Variants in LEMD1 observed in about 807,000 individuals in gnomAD.
LEMD1 encodes the protein LEM domain-containing protein 1.
LEMD1 carries 18 observed loss-of-function variants against 17.4 expected under a neutral mutation model. The observed-to-expected ratio is 1.04, with a 90% confidence interval of 0.72 to 1.54. The LOEUF is 1.54. Ranked by LOEUF, LEMD1 falls within the 40% of genes most tolerant of loss-of-function variation. The pLI is 0.00. For synonymous variants in LEMD1, 88 were observed against 77.8 expected (o/e 1.13, Z -0.69); for missense variants, 195 against 210.4 (o/e 0.93, Z 0.45).
chr1:205,411,586 AAAGGAAGG>A (rs1318697733), intron 4 of LEMD1, among the ~76,000 whole-genome samples: 1 of 148,566 alleles, frequency 6.7e-6, no homozygotes, highest in African/African-American at 2.5e-5. Context: ...AGGAGAGAGG[AAAGGAAGG>A]AAGGAAGGTA....
chr1:205,404,284 C>T (rs1301808776), intron 4 of LEMD1, among the ~76,000 whole-genome samples: 1 of 151,916 alleles, frequency 6.6e-6, no homozygotes, highest in African/African-American at 2.4e-5. Context: ...GTTGATCTGT[C>T]TAATGTTGAC....
intron 1 of LEMD1, among the ~76,000 whole-genome samples, chr1:205,447,603 C>T (rs780555076): frequency 7.3e-5 from 11 of 151,628 alleles, no homozygotes; most frequent in South Asian, 2.1e-4. Flanking sequence ...GTGGGAGTGG[C>T]GACAGGCATA....
At chr1:205,411,585 G>A in intron 4 of LEMD1, among the ~76,000 whole-genome samples, 1 of 144,284 alleles carries the variant, frequency 6.9e-6, no homozygotes, top group Non-Finnish European at 1.5e-5. Flanking sequence ...AAGGAGAGAG[G>A]AAAGGAAGGA....
intron 1 of LEMD1, among the ~76,000 whole-genome samples, chr1:205,442,194 G>A (rs1474876831): frequency 6.6e-6 from 1 of 152,158 alleles, no homozygotes; most frequent in Non-Finnish European, 1.5e-5. Context: ...CTCTCTCCAG[G>A]AAGAACATGG....
intron 4 of LEMD1, among the ~76,000 whole-genome samples, chr1:205,413,607 TTTTTTTG>T (rs1416395640): frequency 6.7e-6 from 1 of 148,940 alleles, no homozygotes; most frequent in Non-Finnish European, 1.5e-5. Flanking sequence ...TTTTTTTTTT[TTTTTTTG>T]GAGATATGAG....
At chr1:205,391,532 A>T (rs1664332999) in intron 4 of LEMD1, among the ~76,000 whole-genome samples, 2 of 152,216 alleles carry the variant, frequency 1.3e-5, no homozygotes, top group Non-Finnish European at 2.9e-5. Context: ...TGGCAGCCAA[A>T]CAGCCCATCT....
In LEMD1 at chr1:205,416,277, T is replaced by C. The variant is rs907338360; in HGVS notation, c.225A>G (p.Gln75=). ...TTTCTGTTGAGAGTATGATATTTCCTTGCAAAATGATATTAAGCTCTGGAT... is the reference window on the plus strand; with the variant it reads ...TTTCTGTTGAGAGTATGATATTTCCCTGCAAAATGATATTAAGCTCTGGAT... ...DDSEELNIIL[Q]GNIILSTEKS... is the part of the protein sequence containing the mutation. The change falls in exon 4 of 6, where the codon CAA becomes CAG. Residue 75 remains glutamine (Q), a synonymous_variant. Coordinates refer to ENST00000367153, the MANE Select transcript of LEMD1 (RefSeq NM_001199050.2). The C allele has an allele frequency of 3.2e-6, 5 of 1,548,554 alleles. No individual in the cohort carries two copies. In the African/African-American group the frequency reaches 6.9e-5, roughly 21 times the overall value.
upstream of LEMD1, among the ~76,000 whole-genome samples, chr1:205,422,635 CTTG>C (rs3058657): frequency 0.57 from 86,604 of 151,780 alleles, 27,836 homozygotes; most frequent in East Asian, 0.88. Context: ...AAGCCTACTT[CTTG>C]TTGTTGTCTT....
chr1:205,381,619 G>T lies in LEMD1; in HGVS notation c.*39C>A. On this transcript the variant is annotated 3_prime_UTR_variant, in exon 6 of 6. Coordinates refer to ENST00000367153, the MANE Select transcript of LEMD1 (RefSeq NM_001199050.2). ...AGTGTTTTGGTTCTTTCCTGAAGCA[G>T]GAGGCCTCGCTTGGAGCATTGCTTT... 6.3e-7 allele frequency: 1 copy of T among 1,598,168 alleles called. No individual in the cohort carries two copies. The highest frequency in any genetic ancestry group is 1.3e-5 in the African/African-American group (1 of 74,724).
At chr1:205,440,817 T>C (rs1394100340) in intron 1 of LEMD1, 2 of 152,292 alleles carry the variant, frequency 1.3e-5, no homozygotes, top group African/African-American at 4.8e-5. Context: ...ACTGGCTAAA[T>C]CAAGACTTAA....
chr1:205,399,459 T>TC (rs1343761560), intron 4 of LEMD1, among the ~76,000 whole-genome samples: 1 of 152,204 alleles, frequency 6.6e-6, no homozygotes, highest in Non-Finnish European at 1.5e-5. Context: ...TCTAGCTCTG[T>TC]CCACTGAAAA....
chr1:205,449,283 G>A (rs1666455187), intron 1 of LEMD1, among the ~76,000 whole-genome samples: 1 of 152,150 alleles, frequency 6.6e-6, no homozygotes, highest in Non-Finnish European at 1.5e-5. Flanking sequence ...TTCCCCACCC[G>A]CTCCCATGAC....
intron 4 of LEMD1, among the ~76,000 whole-genome samples, chr1:205,408,218 G>A (rs1030151181): frequency 1.4e-4 from 21 of 152,086 alleles, no homozygotes; most frequent in African/African-American, 4.8e-4. Flanking sequence ...GGATCATATG[G>A]TGGTTATGTA....
intron 3 of LEMD1, 133 bp downstream of exon 3, chr1:205,419,097 G>T: frequency 9.8e-7 from 1 of 1,024,940 alleles, no homozygotes; most frequent in Non-Finnish European, 1.4e-6. Context: ...TATTTTCCAG[G>T]CTTTCTGTGC....
chr1:205,407,201 G>A (rs909956459), intron 4 of LEMD1, among the ~76,000 whole-genome samples: 19 of 151,912 alleles, frequency 1.3e-4, no homozygotes, highest in South Asian at 2.1e-4. Flanking sequence ...GTGGCAGCAC[G>A]TGCCTGTAAT....
In LEMD1 at chr1:205,419,717, C is replaced by T. The variant is rs903810054; in HGVS notation, c.83-365G>A. On this transcript the variant is annotated intron_variant, in intron 2 of 5. Transcript: ENST00000367153. ...CTGACCTCAAGTGATCCACCCGCCTCGGCCTCCCAAATTGCTGGGATTACA... is the reference window on the plus strand; with the variant it reads ...CTGACCTCAAGTGATCCACCCGCCTTGGCCTCCCAAATTGCTGGGATTACA... Among the ~76,000 whole-genome samples, 8 of 152,302 alleles carry T rather than the reference C, an allele frequency of 5.3e-5. No individual in the cohort carries two copies. The East Asian group carries it at 5.8e-4, about 11-fold the overall frequency.
chr1:205,434,148 T>A (rs1666167681), intron 1 of LEMD1, among the ~76,000 whole-genome samples: 1 of 151,700 alleles, frequency 6.6e-6, no homozygotes, highest in Non-Finnish European at 1.5e-5. Context: ...GTGAATACAG[T>A]CTTAGGTTCT....
At chr1:205,386,674 T>A (rs1664045995) in intron 4 of LEMD1, 1 of 152,236 alleles carries the variant, frequency 6.6e-6, no homozygotes, top group Non-Finnish European at 1.5e-5. Flanking sequence ...TTTGCATATG[T>A]GGGAAGTTGT....
intron 1 of LEMD1, among the ~76,000 whole-genome samples, chr1:205,449,515 C>T (rs1230930610): frequency 1.3e-5 from 2 of 152,128 alleles, no homozygotes; most frequent in Admixed American, 6.5e-5. Context: ...GCTCCCTGCA[C>T]AACCCTGGTA....
Sources: gnomAD v4.1 joint callset for allele counts (sites outside exome capture counted in the v4.1 genomes callset) on GRCh38, gnomAD v4.1.1 for gene constraint, MANE v1.5 for transcripts, NCBI Gene and HGNC (gene_info 2026-07-23, HGNC 2026-07-21) for gene names.